The following WASL variants were observed in gnomAD, a reference collection of about 807,000 sequenced individuals.
WASL encodes the protein WASP like actin nucleation promoting factor, also known as actin nucleation-promoting factor WASL.
Under a neutral mutation model 55.5 loss-of-function variants are expected in WASL, and 20 were observed. The observed-to-expected ratio is 0.36, with a 90% CI of 0.25 to 0.52. WASL has a LOEUF of 0.52. Ranked by LOEUF, WASL falls within the 20% of genes least tolerant of loss-of-function variation. The pLI, the probability that WASL is intolerant of heterozygous loss-of-function variation, is 0.92. For synonymous variants in WASL, 249 were observed against 217.6 expected (o/e 1.14, Z -1.27); for missense variants, 504 against 622.5 (o/e 0.81, Z 2.03).
chr7:123,696,657 T>C lies in WASL; in HGVS notation c.551A>G (p.His184Arg). 1 of 1,608,316 alleles carries C rather than the reference T, an allele frequency of 6.2e-7. No homozygotes were observed. Among genetic ancestry groups the C allele is most frequent in the Non-Finnish European group, 8.5e-7 (1 of 1,177,052 alleles). Reference protein sequence around the residue: ...FYGPQVNNISHTKEKKKGKAK... With the variant: ...FYGPQVNNISRTKEKKKGKAK... ...TTTTCCCTTCTTCTTTTCTTTGGTATGGGAGATGTTGTTGACTTGTGGACC... is the reference window on the plus strand; with the variant it reads ...TTTTCCCTTCTTCTTTTCTTTGGTACGGGAGATGTTGTTGACTTGTGGACC... Residue 184 changes from histidine (H) to arginine (R), a missense_variant, in exon 6 of 11, where the codon CAT becomes CGT. His to Arg is a conservative substitution (Grantham distance 29). Coordinates refer to ENST00000223023, the MANE Select transcript of WASL (RefSeq NM_003941.4).
intron 1 of WASL, among the ~76,000 whole-genome samples, chr7:123,734,705 C>G (rs1804197274): frequency 6.6e-6 from 1 of 151,080 alleles, no homozygotes; most frequent in Non-Finnish European, 1.5e-5. Flanking sequence ...TCTGGTATGA[C>G]ACTGTAACGG....
chr7:123,704,512 A>C (rs1163375249), intron 5 of WASL, 122 bp downstream of exon 5: 1 of 727,054 alleles, frequency 1.4e-6, no homozygotes, highest in Admixed American at 3.1e-5. Context: ...TGTATGGTAC[A>C]TGTTTCCACA....
intron 10 of WASL, 87 bp from the exon 11 acceptor site, chr7:123,684,667 C>T (rs1803260150): frequency 8.0e-7 from 1 of 1,249,728 alleles, no homozygotes; most frequent in African/African-American, 1.6e-5. Context: ...TTATTTAACT[C>T]CTGAAACACA....
rs776588318 is a variant in WASL at position 123,684,488 on chromosome 7, TAA to T, written c.*29_*30del. On this transcript the variant is annotated 3_prime_UTR_variant, in exon 11 of 11. Coordinates refer to ENST00000223023, the MANE Select transcript of WASL (RefSeq NM_003941.4). ...GAAAGTAGTGTTTAGTATTTCACCT[TAA>T]AAATATATATATATATATAATATAT... is the stretch of plus-strand genomic sequence containing the variant. 9.1e-6 allele frequency: 5 copies of T among 549,068 alleles called. No individual in the cohort carries two copies. The highest frequency in any genetic ancestry group is 3.6e-5 in the East Asian group (1 of 27,978). 34.0% of individuals were successfully genotyped at this position (549,068 alleles called of 1,614,324 possible).
rs1295406526 is a variant in WASL at position 123,692,577 on chromosome 7, G to A, written c.1117C>T (p.Pro373Ser). 2 of 1,612,752 alleles carry A rather than the reference G, an allele frequency of 1.2e-6. No homozygotes were observed. The highest frequency in any genetic ancestry group is 1.7e-6 in the Non-Finnish European group (2 of 1,179,336). Residue 373 changes from proline to serine, a missense_variant, in exon 9 of 11, where the codon CCA (proline) becomes TCA (serine). Around this residue, in one of 5 missense-constraint regions of WASL, gnomAD observed 201 missense variants for 206.2 expected, o/e 0.97. Coordinates refer to ENST00000223023, the MANE Select transcript of WASL (RefSeq NM_003941.4). ...GGTGGAGGTGGAGGCGGTGGGGGTGGTGCCACTGGCCCTACCCCCAACACA... is the reference window on the plus strand; with the variant it reads ...GGTGGAGGTGGAGGCGGTGGGGGTGATGCCACTGGCCCTACCCCCAACACA... ...PSVLGVGPVA[P>S]PPPPPPPPPP... is the part of the protein sequence containing the mutation.
chr7:123,685,441 G>C (rs969497542), intron 10 of WASL, among the ~76,000 whole-genome samples: 1 of 151,944 alleles, frequency 6.6e-6, no homozygotes, highest in Non-Finnish European at 1.5e-5. Flanking sequence ...TTCTGCAGTA[G>C]CTATTTCTTC....
intron 2 of WASL, among the ~76,000 whole-genome samples, chr7:123,708,772 A>C (rs1268582722): frequency 3.3e-5 from 5 of 152,110 alleles, no homozygotes; most frequent in African/African-American, 4.8e-5. Flanking sequence ...AGGTGGAATA[A>C]AAGAGTTTCA....
In WASL at chr7:123,748,712, G is replaced by T. The variant is rs140269037; in HGVS notation, c.23C>A (p.Pro8Gln). 169 of 1,603,272 alleles carry T rather than the reference G, an allele frequency of 1.1e-4. 1 individual carries two copies. In the African/African-American group the frequency reaches 1.9e-3, roughly 18 times the overall value. The change falls in exon 1 of 11, where the codon CCG becomes CAG. Residue 8 changes from proline to glutamine, a missense_variant. Around this residue, in one of 5 missense-constraint regions of WASL, gnomAD observed 230 missense variants for 271.9 expected, o/e 0.85. Transcript: ENST00000223023. MSSVQQQ[P>Q]PPPRRVTNVG... ...GTTGGTGACCCTCCGCGGCGGCGGC[G>T]GCTGCTGCTGGACGGAGCTCATGGT...
intron 1 of WASL, among the ~76,000 whole-genome samples, chr7:123,735,397 G>A (rs539672592): frequency 3.8e-3 from 548 of 145,142 alleles, no homozygotes; most frequent in Non-Finnish European, 6.8e-3. Context: ...AAAAAAAACA[G>A]GAAAAGACCC....
At chr7:123,684,957 CCTGCTCCATCCTGGTCTG>C (rs1169894970) in intron 10 of WASL, among the ~76,000 whole-genome samples, 3 of 152,096 alleles carry the variant, frequency 2.0e-5, no homozygotes, top group Admixed American at 1.3e-4. Context: ...ATCTTCTTTT[CCTGCTCCATCCTGGTCTG>C]CTGCTCCATC....
chr7:123,691,314 A>C (rs1803404172), intron 9 of WASL, among the ~76,000 whole-genome samples: 3 of 152,192 alleles, frequency 2.0e-5, no homozygotes. Flanking sequence ...AGAAGTATGT[A>C]AATGTAGACA....
chr7:123,717,179 G>A (rs1803859723), intron 1 of WASL, among the ~76,000 whole-genome samples: 1 of 152,088 alleles, frequency 6.6e-6, no homozygotes, highest in Admixed American at 6.6e-5. Context: ...GTAAAGGATT[G>A]CTGGTGCATG....
intron 1 of WASL, among the ~76,000 whole-genome samples, chr7:123,712,159 GT>G (rs202164365): frequency 1.3e-5 from 2 of 150,040 alleles, no homozygotes; most frequent in African/African-American, 2.5e-5. Context: ...GGTTTGTTTG[GT>G]TTTTTTTTCA....
At chr7:123,737,937 T>C (rs926599049) in intron 1 of WASL, among the ~76,000 whole-genome samples, 5 of 152,134 alleles carry the variant, frequency 3.3e-5, no homozygotes, top group Non-Finnish European at 7.4e-5. Flanking sequence ...TACTACAGTA[T>C]AGAATTATTA....
At chr7:123,685,089 T>C in intron 10 of WASL, among the ~76,000 whole-genome samples, 1 of 151,880 alleles carries the variant, frequency 6.6e-6, no homozygotes, top group South Asian at 2.1e-4. Flanking sequence ...CTGCTCTTTT[T>C]CACCTCTTTC....
At chr7:123,742,958 T>C (rs1804369155) in intron 1 of WASL, among the ~76,000 whole-genome samples, 2 of 152,302 alleles carry the variant, frequency 1.3e-5, no homozygotes, top group South Asian at 4.1e-4. Flanking sequence ...CTAGAATAGT[T>C]AAACTGATTA....
At position 123,684,540 on chromosome 7, in the gene WASL, A is replaced by C. The variant is rs765077591; in HGVS notation, c.1497T>G (p.Asp499Glu). 4.2e-5 allele frequency: 49 copies of C among 1,164,192 alleles called. No homozygotes were observed. Among genetic ancestry groups the C allele is most frequent in the Admixed American group, 6.1e-5 (3 of 49,096 alleles). 72.1% of individuals were successfully genotyped at this position (1,164,192 alleles called of 1,614,324 possible). ...TAGATCAGTCTTCCCACTCATCATC[A>C]TCCTCAAAATCTTCTTCATCATCTT... is the stretch of plus-strand genomic sequence containing the variant. ...EDEDDEEDFEDDDEWED is the reference protein window; with the variant it reads ...EDEDDEEDFEEDDEWED Residue 499 changes from aspartate (D) to glutamate (E), a missense_variant, in exon 11 of 11, where the codon GAT becomes GAG. Physicochemically the swap from Asp to Glu is conservative, Grantham distance 45. Coordinates refer to ENST00000223023, the MANE Select transcript of WASL (RefSeq NM_003941.4).
chr7:123,712,461 TTA>T (rs1365297955), intron 1 of WASL, among the ~76,000 whole-genome samples: 1 of 152,164 alleles, frequency 6.6e-6, no homozygotes, highest in Non-Finnish European at 1.5e-5. Context: ...TAAAGAGGCA[TTA>T]TGTCTGCAAC....
At chr7:123,686,671 C>A (rs147273094) in intron 10 of WASL, among the ~76,000 whole-genome samples, 3 of 152,208 alleles carry the variant, frequency 2.0e-5, no homozygotes, top group East Asian at 3.9e-4. Flanking sequence ...TTCACAGAAG[C>A]CTTACATTTC....
Sources: gnomAD v4.1 joint callset for allele counts (sites outside exome capture counted in the v4.1 genomes callset) on GRCh38, gnomAD v4.1.1 for gene constraint, gnomAD v4.1.1 regional missense constraint, MANE v1.5 for transcripts, NCBI Gene and HGNC (gene_info 2026-07-23, HGNC 2026-07-21) for gene names.